BET1: variants seen among roughly 807,000 people sequenced by gnomAD.
BET1 encodes the protein Bet1 golgi vesicular membrane trafficking protein.
In BET1, 9 loss-of-function variants were observed where a neutral mutation model predicts 13.9. That is an observed-to-expected ratio of 0.65 (90% CI 0.39 to 1.13). The LOEUF is 1.13. Ranked by LOEUF, BET1 falls within the 50% of genes most tolerant of loss-of-function variation. The pLI is 0.01. For missense variants in BET1, 127 were observed against 133.6 expected, an observed-to-expected ratio of 0.95 and a Z score of 0.24; for synonymous variants, 39 against 47.3, an observed-to-expected ratio of 0.82 and a Z score of 0.72.
At chr7:93,979,391 C>A (rs189651550) in intron 4 of BET1, among the ~76,000 whole-genome samples, 100 of 152,204 alleles carry the variant, frequency 6.6e-4, no homozygotes, top group African/African-American at 2.3e-3. Flanking sequence ...TTCCTGAAAG[C>A]AGTGACATTT....
chr7:93,981,596 A>AAAAC (rs1795430609), intron 4 of BET1, among the ~76,000 whole-genome samples: 1 of 152,194 alleles, frequency 6.6e-6, no homozygotes, highest in Non-Finnish European at 1.5e-5. Context: ...CCTCAAAGGA[A>AAAAC]AAACAGTAGG....
At chr7:93,988,054 G>C (rs1795560232) in intron 4 of BET1, among the ~76,000 whole-genome samples, 1 of 152,126 alleles carries the variant, frequency 6.6e-6, no homozygotes, top group South Asian at 2.1e-4. Context: ...ATTTTTATTA[G>C]GGGCCTTTTA....
At position 93,969,357 on chromosome 7, in the gene BET1, T is replaced by C. The variant is rs1356306647; in HGVS notation, c.*137+3218A>G. The stretch of plus-strand genomic sequence containing the variant: ...CAGGGTAGTCCAACAATGAACAGCT[T>C]TGGGAAGGATCTGGCTTCCCTGGGG... On this transcript the variant is annotated intron_variant and NMD_transcript_variant, in intron 6 of 6. Coordinates refer to the BET1 transcript ENST00000357520. The C allele has an allele frequency of 2.6e-5, 4 of 151,982 alleles. No homozygotes were observed. In the East Asian group the frequency reaches 7.7e-4, roughly 29 times the overall value. The allele number at this position is 151,982 out of a possible 1,614,324, so 9.4% of individuals were successfully genotyped here.
In BET1 at chr7:93,993,783, G is replaced by A; in HGVS notation, c.*447C>T. 6.6e-7 allele frequency: 1 copy of A among 1,510,164 alleles called. No homozygotes were observed. The highest frequency in any genetic ancestry group is 8.8e-7 in the Non-Finnish European group (1 of 1,136,702). 93.5% of individuals were successfully genotyped at this position (1,510,164 alleles called of 1,614,324 possible). On this transcript the variant is annotated 3_prime_UTR_variant, in exon 4 of 4. Coordinates refer to ENST00000222547, the MANE Select transcript of BET1 (RefSeq NM_005868.6). ...GAGGAGAAGGGAGTATATCATTACA[G>A]TTGATGCAGTTAGGAAAATTCAATT... is the stretch of plus-strand genomic sequence containing the variant.
intron 2 of BET1, 38 bp from the exon 3 acceptor site, chr7:93,996,359 A>T: frequency 7.2e-7 from 1 of 1,392,392 alleles, no homozygotes; most frequent in Non-Finnish European, 9.8e-7. Flanking sequence ...TACTCACATA[A>T]AAGTATTCAA....
rs1222266205 is a variant in BET1, at chr7:93,967,542, T to A, written c.*138-1855A>T. On this transcript the variant is annotated intron_variant and NMD_transcript_variant, in intron 6 of 6. Coordinates refer to the BET1 transcript ENST00000357520. Reference sequence around the variant, plus strand: ...CATTTAGAATATGTAAATGACAGGTTTTTTGTCTTTGCAATTGTTAAGAAA... The same window carrying A: ...CATTTAGAATATGTAAATGACAGGTATTTTGTCTTTGCAATTGTTAAGAAA... 2.6e-5 allele frequency among the ~76,000 whole-genome samples: 4 copies of A among 151,898 alleles called. No individual in the cohort carries two copies. In the East Asian group the frequency reaches 7.8e-4, roughly 29 times the overall value.
At chr7:93,995,648 T>C (rs1795751159) in intron 3 of BET1, among the ~76,000 whole-genome samples, 1 of 152,198 alleles carries the variant, frequency 6.6e-6, no homozygotes, top group Non-Finnish European at 1.5e-5. Flanking sequence ...GCGCACAAGC[T>C]TAGCAAGAAC....
chr7:93,996,172 C>G, intron 3 of BET1, 93 bp downstream of exon 3: 1 of 943,898 alleles, frequency 1.1e-6, no homozygotes, highest in Non-Finnish European at 1.6e-6. Context: ...CAAGGACTTA[C>G]GATCTCTGTA....
intron 4 of BET1, among the ~76,000 whole-genome samples, chr7:93,979,983 G>C (rs1029510818): frequency 1.3e-5 from 2 of 152,148 alleles, no homozygotes; most frequent in African/African-American, 4.8e-5. Flanking sequence ...TCCCTGGGGA[G>C]GGAAAGAGTT....
chr7:93,967,680 A>G (rs1318307563), intron 6 of BET1, among the ~76,000 whole-genome samples: 1 of 151,842 alleles, frequency 6.6e-6, no homozygotes, highest in East Asian at 1.9e-4. Flanking sequence ...CTTAAAAAAT[A>G]TCTTGTACTG....
At position 93,993,602 on chromosome 7, in the gene BET1, T is replaced by C. The variant is rs890541143; in HGVS notation, c.*628A>G. On this transcript the variant is annotated 3_prime_UTR_variant, in exon 4 of 4. Transcript: ENST00000222547. ...GAAATAATAACTATACTGATACACA[T>C]GTGCAATGGGCCCTACCAGAAATAT... The C allele has an allele frequency of 4.1e-6, 5 of 1,205,962 alleles. No individual in the cohort carries two copies. The highest frequency in any genetic ancestry group is 5.2e-6 in the Non-Finnish European group (5 of 968,968). The allele number at this position is 1,205,962 out of a possible 1,614,324, so 74.7% of individuals were successfully genotyped here. A position where few individuals can be genotyped will look rare whatever the true frequency, so the allele number is the denominator to read the frequency against.
chr7:93,994,322 A>G lies in BET1; in HGVS notation c.265T>C (p.Ser89Pro). ...GKTMGKLKILSRGSQTKLLCY... is the reference protein window; with the variant it reads ...GKTMGKLKILPRGSQTKLLCY... The stretch of plus-strand genomic sequence containing the variant: ...AGCAGCTTTGTTTGGCTCCCTCTGG[A>G]TAAAATCTTCAGTTTGCCCATAGTT... The change falls in exon 4 of 4, where the codon TCC becomes CCC. Residue 89 changes from serine to proline, a missense_variant. Ser to Pro is a moderately conservative substitution (Grantham distance 74). Transcript: ENST00000222547. The G allele has an allele frequency of 6.2e-7, 1 of 1,613,866 alleles. No homozygotes were observed. The highest frequency in any genetic ancestry group is 1.7e-4 in the Middle Eastern group (1 of 6,054).
intron 4 of BET1, among the ~76,000 whole-genome samples, chr7:93,978,876 G>A (rs207468278): frequency 1.3e-5 from 2 of 152,168 alleles, no homozygotes; most frequent in Non-Finnish European, 2.9e-5. Context: ...AGGTTGGCCA[G>A]AGAATAAGAA....
At chr7:93,966,443 T>A (rs1795174092) in intron 6 of BET1, among the ~76,000 whole-genome samples, 1 of 152,006 alleles carries the variant, frequency 6.6e-6, no homozygotes, top group Non-Finnish European at 1.5e-5. Context: ...ATTGCTTCTA[T>A]CATAGAGCTC....
intron 6 of BET1, among the ~76,000 whole-genome samples, chr7:93,969,055 T>C (rs1795219331): frequency 6.6e-6 from 1 of 151,820 alleles, no homozygotes; most frequent in African/African-American, 2.4e-5. Context: ...TTTATCTAAT[T>C]GGTGTGATAG....
intron 5 of BET1, among the ~76,000 whole-genome samples, chr7:93,974,698 A>T (rs1255940976): frequency 6.6e-6 from 1 of 152,016 alleles, no homozygotes; most frequent in Non-Finnish European, 1.5e-5. Flanking sequence ...TTAATAAGTA[A>T]AGAAGGAATG....
chr7:93,967,283 T>C (rs1192710640), intron 6 of BET1, among the ~76,000 whole-genome samples: 2 of 151,878 alleles, frequency 1.3e-5, no homozygotes. Context: ...GTATTCATAG[T>C]CTGGTAACAC....
At chr7:93,996,846 C>A (rs1795781339) in intron 2 of BET1, among the ~76,000 whole-genome samples, 1 of 151,604 alleles carries the variant, frequency 6.6e-6, no homozygotes, top group Admixed American at 6.6e-5. Context: ...TAGTACCCAA[C>A]CTTATTACAT....
chr7:93,975,937 C>T, exon 5 of BET1: 1 of 1,225,968 alleles, frequency 8.2e-7, no homozygotes, highest in Non-Finnish European at 1.1e-6. Flanking sequence ...GCTTCAGAGT[C>T]ATTATTTTGA....
Sources: allele counts gnomAD v4.1 joint callset (sites outside exome capture counted in the v4.1 genomes callset), GRCh38; gene constraint gnomAD v4.1.1; transcripts MANE v1.5; gene names NCBI Gene and HGNC (gene_info 2026-07-23, HGNC 2026-07-21).